The following PTPN3 variants were observed in gnomAD, a reference collection of about 807,000 sequenced individuals.
The protein encoded by PTPN3 is tyrosine-protein phosphatase non-receptor type 3.
Under a neutral mutation model 132.7 loss-of-function variants are expected in PTPN3, and 96 were observed. That is an observed-to-expected ratio of 0.72 (90% CI 0.61 to 0.86). The LOEUF (loss-of-function observed/expected upper bound fraction) is 0.86. Among genes scored for constraint, PTPN3 ranks in the 40% least tolerant of loss-of-function variants. The pLI, the probability that PTPN3 is intolerant of heterozygous loss-of-function variation, is 0.00. For synonymous variants in PTPN3, 398 were observed against 429.0 expected (o/e 0.93, Z 0.89); for missense variants, 1,125 against 1,159.6 (o/e 0.97, Z 0.43).
intron 19 of PTPN3, among the ~76,000 whole-genome samples, chr9:109,396,136 AC>A (rs1254243642): frequency 6.6e-6 from 1 of 152,196 alleles, no homozygotes; most frequent in African/African-American, 2.4e-5. Flanking sequence ...TGCTGGGATT[AC>A]AGCCGTGAGC....
chr9:109,430,329 C>T (rs561584506), intron 10 of PTPN3, among the ~76,000 whole-genome samples: 87 of 152,278 alleles, frequency 5.7e-4, no homozygotes, highest in Middle Eastern at 3.4e-3. Flanking sequence ...TCCCCCCACC[C>T]CTGGCTTCAT....
intron 22 of PTPN3, among the ~76,000 whole-genome samples, chr9:109,384,084 C>T (rs1341165075): frequency 6.6e-6 from 1 of 152,158 alleles, no homozygotes; most frequent in Non-Finnish European, 1.5e-5. Flanking sequence ...TGCTTAACCT[C>T]TCTGATTTTC....
chr9:109,401,116 A>T (rs541285949), intron 19 of PTPN3, among the ~76,000 whole-genome samples: 9 of 152,382 alleles, frequency 5.9e-5, no homozygotes, highest in Non-Finnish European at 1.5e-5. Context: ...TACTTGAGGA[A>T]CTGTATAGAC....
At chr9:109,384,944 C>T (rs1300938472) in intron 22 of PTPN3, among the ~76,000 whole-genome samples, 2 of 152,188 alleles carry the variant, frequency 1.3e-5, no homozygotes, top group African/African-American at 4.8e-5. Context: ...AGGTTAAGGG[C>T]TGTAGGGCCC....
intron 7 of PTPN3, among the ~76,000 whole-genome samples, chr9:109,443,491 G>A (rs1035606612): frequency 3.3e-5 from 5 of 152,064 alleles, no homozygotes; most frequent in Admixed American, 6.5e-5. Flanking sequence ...GATTACATGC[G>A]TGAGCCACCA....
chr9:109,483,424 G>A (rs1847057688), intron 1 of PTPN3, among the ~76,000 whole-genome samples: 1 of 152,064 alleles, frequency 6.6e-6, no homozygotes, highest in Non-Finnish European at 1.5e-5. Flanking sequence ...CAGGTGCTGG[G>A]GTACAAGGTT....
chr9:109,533,874 C>A, the PTPN3 span: 1 of 769,880 alleles, frequency 1.3e-6, no homozygotes, highest in African/African-American at 1.7e-5. Flanking sequence ...GGTGGAGGAC[C>A]CCTACGACGT....
the PTPN3 span, among the ~76,000 whole-genome samples, chr9:109,525,233 G>A: frequency 6.6e-6 from 1 of 151,826 alleles, no homozygotes; most frequent in African/African-American, 2.4e-5. Context: ...AAAAAAAAAT[G>A]TTTTTGTAGA....
intron 23 of PTPN3, 63 bp from the exon 24 acceptor site, chr9:109,382,510 A>C: frequency 3.2e-6 from 5 of 1,583,276 alleles, no homozygotes; most frequent in Non-Finnish European, 4.3e-6. Context: ...ACCCAGCCCC[A>C]ACCCAGACAC....
the PTPN3 span, among the ~76,000 whole-genome samples, chr9:109,531,356 G>A: frequency 6.6e-6 from 1 of 152,176 alleles, no homozygotes; most frequent in Non-Finnish European, 1.5e-5. Context: ...CTGATGAAGG[G>A]CTAAGACAAG....
chr9:109,445,311 A>G lies in PTPN3; in HGVS notation c.414-19T>C, dbSNP rs747220656. The G allele has an allele frequency of 1.2e-6, 2 of 1,607,048 alleles. No homozygotes were observed. Among genetic ancestry groups the G allele is most frequent in the East Asian group, 4.5e-5 (2 of 44,826 alleles). On this transcript the variant is annotated intron_variant, in intron 6 of 25. Coordinates refer to ENST00000374541, the MANE Select transcript of PTPN3 (RefSeq NM_002829.4). ...GGTTAACCTGTCAGGAGAAAAACAT[A>G]TTAGCAAAGTCACAAGAACCAACAA...
intron 12 of PTPN3, among the ~76,000 whole-genome samples, chr9:109,426,308 A>G (rs1843278216): frequency 6.7e-6 from 1 of 149,408 alleles, no homozygotes; most frequent in South Asian, 2.1e-4. Flanking sequence ...ATATTTATAC[A>G]TAAATATATA....
intron 4 of PTPN3, among the ~76,000 whole-genome samples, chr9:109,455,183 A>C (rs1389439348): frequency 1.3e-5 from 2 of 152,244 alleles, no homozygotes; most frequent in Non-Finnish European, 2.9e-5. Context: ...AAAGTATATT[A>C]AGTTAGTATA....
intron 17 of PTPN3, among the ~76,000 whole-genome samples, chr9:109,407,957 G>C (rs1360029727): frequency 6.6e-6 from 1 of 152,230 alleles, no homozygotes; most frequent in Non-Finnish European, 1.5e-5. Context: ...AAGAGGCACA[G>C]GGCCCACGTG....
chr9:109,475,760 A>G (rs1470514223), intron 1 of PTPN3, among the ~76,000 whole-genome samples: 1 of 152,216 alleles, frequency 6.6e-6, no homozygotes, highest in Non-Finnish European at 1.5e-5. Flanking sequence ...AAACAGCTAA[A>G]GTCACTTTGA....
intron 1 of PTPN3, among the ~76,000 whole-genome samples, chr9:109,488,033 A>G (rs1847290453): frequency 6.6e-6 from 1 of 151,950 alleles, no homozygotes; most frequent in South Asian, 2.1e-4. Flanking sequence ...TCCTGTAAAA[A>G]GTGACCCCAA....
At chr9:109,520,420 A>G in the PTPN3 span, among the ~76,000 whole-genome samples, 1 of 152,250 alleles carries the variant, frequency 6.6e-6, no homozygotes, top group South Asian at 2.1e-4. Flanking sequence ...AATGGAAAGG[A>G]AAAAAGAATA....
At chr9:109,490,596 G>T (rs546821135) in intron 1 of PTPN3, among the ~76,000 whole-genome samples, 3 of 152,092 alleles carry the variant, frequency 2.0e-5, no homozygotes, top group Non-Finnish European at 2.9e-5. Flanking sequence ...AAAATTAGCC[G>T]GGCGTGGTGG....
the PTPN3 span, among the ~76,000 whole-genome samples, chr9:109,508,716 A>G: frequency 6.6e-5 from 9 of 136,004 alleles, no homozygotes; most frequent in African/African-American, 2.1e-4. Context: ...ATAATCAATC[A>G]GTAGATAGAA....
Sources: allele counts gnomAD v4.1 joint callset (sites outside exome capture counted in the v4.1 genomes callset), GRCh38; gene constraint gnomAD v4.1.1; transcripts MANE v1.5; gene names NCBI Gene and HGNC (gene_info 2026-07-23, HGNC 2026-07-21).